TMEM132B: variants seen among roughly 807,000 people sequenced by gnomAD.
TMEM132B encodes transmembrane protein 132B.
A neutral mutation model predicts 90.8 loss-of-function variants in TMEM132B; 18 were observed. The ratio of observed to expected loss-of-function variants is 0.20; its 90% CI spans 0.14 to 0.29. TMEM132B has a LOEUF of 0.29. Ranked by LOEUF, TMEM132B falls within the 10% of genes least tolerant of loss-of-function variation. TMEM132B has a pLI of 1.00. For synonymous variants in TMEM132B, 504 were observed against 523.3 expected (o/e 0.96, Z 0.50); for missense variants, 1,096 against 1,326.8 (o/e 0.83, Z 2.70).
At chr12:125,244,219 A>T (rs1310203793) in intron 1 of TMEM132B, among the ~76,000 whole-genome samples, 1 of 152,184 alleles carries the variant, frequency 6.6e-6, no homozygotes, top group Admixed American at 6.5e-5. Context: ...CACGAACATG[A>T]GTGTGTACAT....
intron 3 of TMEM132B, among the ~76,000 whole-genome samples, chr12:125,463,234 A>G (rs1037564544): frequency 2.0e-5 from 3 of 152,166 alleles, no homozygotes; most frequent in Non-Finnish European, 1.5e-5. Flanking sequence ...GGATATTTTA[A>G]AAGTGCAATA....
chr12:125,538,038 C>T lies in TMEM132B; in HGVS notation c.1293+18413C>T, dbSNP rs374011323. Among the ~76,000 whole-genome samples the T allele has an allele frequency of 3.9e-5, 6 of 152,186 alleles. No homozygotes were observed. In the South Asian group the frequency reaches 1.0e-3, roughly 26 times the overall value. The stretch of plus-strand genomic sequence containing the variant: ...CACATGCACGCTCGGCTCCTATTGG[C>T]GTCAGCATTGCCATCCCCATCTCAA... On this transcript the variant is annotated intron_variant, in intron 4 of 8. Coordinates refer to ENST00000682704, the MANE Select transcript of TMEM132B (RefSeq NM_001366854.1).
chr12:125,362,682 C>T (rs900364484), intron 2 of TMEM132B, among the ~76,000 whole-genome samples: 3 of 152,132 alleles, frequency 2.0e-5, no homozygotes, highest in African/African-American at 7.2e-5. Flanking sequence ...GAGTTTGAGT[C>T]CTTTAGGTAC....
rs1424567773 is a variant in TMEM132B at position 125,411,048 on chromosome 12, GTGGAGTGGAGTGGAGT to G, written c.960-4482_960-4467del. Among the ~76,000 whole-genome samples, 29 of 4,692 alleles carry G rather than the reference GTGGAGTGGAGTGGAGT, an allele frequency of 6.2e-3. 3 individuals are homozygous for G. The highest frequency in any genetic ancestry group is 0.014 in the African/African-American group (8 of 572). 3.1% of individuals were successfully genotyped at this position (4,692 alleles called of 152,430 possible). On this transcript the variant is annotated intron_variant, in intron 2 of 8. Transcript: ENST00000682704. Reference sequence around the variant, plus strand: ...AGTGGAGTGGAGTGAGTGGAGTGGAGTGGAGTGGAGTGGAGTGAGTGGAGTGAGTGGAGTGGAGTGG... The same window carrying G: ...AGTGGAGTGGAGTGAGTGGAGTGGAGGAGTGGAGTGAGTGGAGTGGAGTGG...
In TMEM132B at chr12:125,318,415, C is replaced by T. The variant is rs756919104; in HGVS notation, c.68-31037C>T. ...ATGTGCAGGGTGTGCAGATTTGTTA[C>T]GTAGGTAAATGTGTGCGATGGTGGT... On this transcript the variant is annotated intron_variant, in intron 1 of 8. Coordinates refer to ENST00000682704, the MANE Select transcript of TMEM132B (RefSeq NM_001366854.1). Among the ~76,000 whole-genome samples the T allele has an allele frequency of 5.3e-5, 8 of 151,764 alleles. No homozygotes were observed. The South Asian group carries it at 6.2e-4, about 12-fold the overall frequency.
rs562255785 is a variant in TMEM132B, at chr12:125,283,455, G to A, written c.68-65997G>A. On this transcript the variant is annotated intron_variant, in intron 1 of 8. Coordinates refer to ENST00000682704, the MANE Select transcript of TMEM132B (RefSeq NM_001366854.1). ...TGTTCCTGCTGTGTACCCGACTCTC[G>A]CTGGCGGTCCTGGCAGATGCTCAGC... is the stretch of plus-strand genomic sequence containing the variant. 4.1e-4 allele frequency among the ~76,000 whole-genome samples: 63 copies of A among 152,180 alleles called. 1 individual carries two copies. The South Asian group carries it at 4.2e-3, about 10-fold the overall frequency.
chr12:125,373,470 C>A (rs1302121646), intron 2 of TMEM132B, among the ~76,000 whole-genome samples: 1 of 152,160 alleles, frequency 6.6e-6, no homozygotes, highest in African/African-American at 2.4e-5. Flanking sequence ...ATCTGCAAGC[C>A]AAGGAGAGGT....
chr12:125,206,514 A>T (rs1414922216), intron 1 of TMEM132B, among the ~76,000 whole-genome samples: 1 of 152,168 alleles, frequency 6.6e-6, no homozygotes, highest in Non-Finnish European at 1.5e-5. Flanking sequence ...TCGGGATTAC[A>T]GGAGTGAACT....
intron 4 of TMEM132B, among the ~76,000 whole-genome samples, chr12:125,581,613 A>G (rs2136863135): frequency 6.6e-6 from 1 of 152,242 alleles, no homozygotes; most frequent in African/African-American, 2.4e-5. Flanking sequence ...GGTGATACAG[A>G]GAGAAAAAAA....
At position 125,550,172 on chromosome 12, in the gene TMEM132B, T is replaced by C. The variant is rs2136756723; in HGVS notation, c.1293+30547T>C. 2.0e-5 allele frequency among the ~76,000 whole-genome samples: 3 copies of C among 152,294 alleles called. No homozygotes were observed. In the South Asian group the frequency reaches 6.2e-4, roughly 32 times the overall value. On this transcript the variant is annotated intron_variant, in intron 4 of 8. Transcript: ENST00000682704. The stretch of plus-strand genomic sequence containing the variant: ...AGTGAGTTTGACTCTGCTTACTAGC[T>C]GGGGACCAGCTCTCGCTCAAGACAC...
intron 2 of TMEM132B, among the ~76,000 whole-genome samples, chr12:125,394,265 T>C (rs999595604): frequency 6.6e-6 from 1 of 152,206 alleles, no homozygotes; most frequent in African/African-American, 2.4e-5. Context: ...AGAGCCAGGA[T>C]TTGAATCCAG....
At chr12:125,296,921 A>C (rs1300852499) in intron 1 of TMEM132B, among the ~76,000 whole-genome samples, 2 of 152,222 alleles carry the variant, frequency 1.3e-5, no homozygotes, top group Non-Finnish European at 2.9e-5. Context: ...CGTGCACAGG[A>C]GGCCTGCAGA....
At chr12:125,317,001 G>C (rs1331762354) in intron 1 of TMEM132B, among the ~76,000 whole-genome samples, 1 of 152,156 alleles carries the variant, frequency 6.6e-6, no homozygotes, top group Admixed American at 6.5e-5. Flanking sequence ...CCTACCTCTT[G>C]TTCCTGGCAG....
At position 125,186,418 on chromosome 12, in the gene TMEM132B, A is replaced by C. The variant is rs113609464; in HGVS notation, c.-382A>C. 1 allele frequency among the ~76,000 whole-genome samples: 147,582 copies of C among 147,584 alleles called. 73,790 individuals carry two copies. Among genetic ancestry groups the C allele is most frequent in the Non-Finnish European group, 1 (66,290 of 66,290 alleles). ...CGCTGGCTCGAGGGGCGGCCGGCAG[A>C]TGGCGATGGCAGAGGCGGCGGCGGC... is the stretch of plus-strand genomic sequence containing the variant. On this transcript the variant is annotated 5_prime_UTR_variant, in exon 1 of 9. It removes an upstream start codon present in the reference 5' UTR. Transcript: ENST00000682704. This position sits in a 1 kb window ranked among gnomAD's most constrained non-coding sequence, Gnocchi z 6.3.
At chr12:125,464,601 T>G (rs1881518703) in intron 3 of TMEM132B, among the ~76,000 whole-genome samples, 1 of 152,200 alleles carries the variant, frequency 6.6e-6, no homozygotes, top group Non-Finnish European at 1.5e-5. Flanking sequence ...AGGTGCTCAG[T>G]GACTGAAGTA....
At chr12:125,351,016 G>A (rs1419635083) in intron 2 of TMEM132B, among the ~76,000 whole-genome samples, 2 of 152,174 alleles carry the variant, frequency 1.3e-5, no homozygotes, top group Non-Finnish European at 2.9e-5. Context: ...TTTAGTGCGG[G>A]GGTTTGGATG....
intron 3 of TMEM132B, among the ~76,000 whole-genome samples, chr12:125,432,595 T>C (rs954835933): frequency 2.8e-5 from 4 of 141,748 alleles, no homozygotes; most frequent in African/African-American, 1.0e-4. Flanking sequence ...TGGCCTGCAA[T>C]GCCCATGGCT....
rs78146997 is a variant in TMEM132B, at chr12:125,519,584, G to A, written c.1252G>A (p.Val418Ile). 697 of 1,614,114 alleles carry A rather than the reference G, an allele frequency of 4.3e-4. 6 individuals are homozygous for A. The East Asian group carries it at 0.011, about 25-fold the overall frequency. The change falls in exon 4 of 9, where the codon GTC becomes ATC. Residue 418 changes from valine to isoleucine, a missense_variant. Transcript: ENST00000682704. ...TGAGCTGGTCGTCTCCGAGATCTTC[G>A]TCAGCCAGACAACCTTCGTGGGCAT... Reference protein sequence around the residue: ...MSELVVSEIFVSQTTFVGIVP... With the variant: ...MSELVVSEIFISQTTFVGIVP...
intron 1 of TMEM132B, among the ~76,000 whole-genome samples, chr12:125,189,081 C>T (rs1368591488): frequency 6.6e-6 from 1 of 151,992 alleles, no homozygotes; most frequent in African/African-American, 2.4e-5. Context: ...ATCACACACA[C>T]GCAGGGACTG....
Sources: allele counts gnomAD v4.1 joint callset (sites outside exome capture counted in the v4.1 genomes callset), GRCh38; gene constraint gnomAD v4.1.1; non-coding constraint Gnocchi (gnomAD v3.1); transcripts MANE v1.5; gene names NCBI Gene and HGNC (gene_info 2026-07-23, HGNC 2026-07-21).